Variants in EPB41L5 observed in about 807,000 individuals in gnomAD.
EPB41L5 encodes band 4.1-like protein 5.
EPB41L5 carries 55 observed loss-of-function variants against 106.6 expected under a neutral mutation model. That is an observed-to-expected ratio of 0.52 (90% confidence interval 0.42 to 0.65). The LOEUF is 0.65. Ranked by LOEUF, EPB41L5 falls within the 30% of genes least tolerant of loss-of-function variation. EPB41L5 has a pLI of 0.00. For synonymous variants in EPB41L5, 297 were observed against 306.7 expected (o/e 0.97, Z 0.33); for missense variants, 871 against 882.1 (o/e 0.99, Z 0.16).
chr2:120,090,580 C>T, intron 12 of EPB41L5, 64 bp downstream of exon 12: 1 of 1,443,668 alleles, frequency 6.9e-7, no homozygotes. Context: ...TTAGGCCAAT[C>T]TTCTCTTTTT....
chr2:120,168,222 T>C (rs966458879), intron 24 of EPB41L5, among the ~76,000 whole-genome samples: 4 of 152,218 alleles, frequency 2.6e-5, no homozygotes, highest in Non-Finnish European at 4.4e-5. Flanking sequence ...CTTTATCAAG[T>C]CTTTGCTAAA....
At chr2:120,102,242 A>C (rs1423483082) in intron 16 of EPB41L5, among the ~76,000 whole-genome samples, 5 of 152,146 alleles carry the variant, frequency 3.3e-5, no homozygotes, top group Admixed American at 6.5e-5. Flanking sequence ...GTTTGATTTG[A>C]TTTGTTAGGT....
chr2:120,019,027 G>T, intron 1 of EPB41L5, 50 bp from the exon 2 acceptor site: 1 of 1,483,848 alleles, frequency 6.7e-7, no homozygotes. Context: ...GCAAGTTGTG[G>T]AGAATCTCAT....
intron 10 of EPB41L5, among the ~76,000 whole-genome samples, 159 bp from the exon 11 acceptor site, chr2:120,087,012 T>C (rs1683103250): frequency 6.6e-6 from 1 of 152,250 alleles, no homozygotes; most frequent in Non-Finnish European, 1.5e-5. Context: ...GTTTTTCTGT[T>C]TCCTGTCTTT....
intron 3 of EPB41L5, among the ~76,000 whole-genome samples, chr2:120,060,252 T>G (rs990190221): frequency 1.3e-5 from 2 of 152,224 alleles, no homozygotes; most frequent in African/African-American, 4.8e-5. Flanking sequence ...ACTAATCAGT[T>G]GTATGCCTGA....
chr2:120,020,847 A>C (rs1401078761), intron 2 of EPB41L5, among the ~76,000 whole-genome samples: 1 of 151,652 alleles, frequency 6.6e-6, no homozygotes, highest in Non-Finnish European at 1.5e-5. Context: ...TTAAAAACGC[A>C]GTGCAGTATG....
intron 14 of EPB41L5, among the ~76,000 whole-genome samples, chr2:120,096,122 G>T (rs1683738471): frequency 6.6e-6 from 1 of 152,074 alleles, no homozygotes; most frequent in African/African-American, 2.4e-5. Context: ...TTTTGAATTT[G>T]TCTGTACTCT....
chr2:120,022,023 A>G (rs944913157), intron 2 of EPB41L5, among the ~76,000 whole-genome samples: 1 of 152,210 alleles, frequency 6.6e-6, no homozygotes, highest in African/African-American at 2.4e-5. Flanking sequence ...TGACAAAGGT[A>G]TCAGGTAGAA....
At chr2:120,151,855 A>G (rs6716861) in intron 20 of EPB41L5, among the ~76,000 whole-genome samples, 105,718 of 150,446 alleles carry the variant, frequency 0.7, 38,112 homozygotes, top group Non-Finnish European at 0.79. Flanking sequence ...GATCTCAGGT[A>G]ATCGGCCCGC....
At chr2:120,046,610 G>A (rs1172145968) in intron 3 of EPB41L5, among the ~76,000 whole-genome samples, 1 of 151,488 alleles carries the variant, frequency 6.6e-6, no homozygotes, top group Non-Finnish European at 1.5e-5. Flanking sequence ...TCTGTAGGTT[G>A]CCTGTTCACT....
chr2:120,076,855 G>C lies in EPB41L5; in HGVS notation c.506-116G>C, dbSNP rs1008677126. ...TTTTGGAGACTTGTCTGAGTATTAT[G>C]AATTTTTGTAAGAAATTCCTAAGAA... On this transcript the variant is annotated intron_variant, in intron 7 of 24. Transcript: ENST00000263713. The C allele has an allele frequency of 1.3e-5, 13 of 967,082 alleles. No individual in the cohort carries two copies. In the African/African-American group the frequency reaches 2.0e-4, roughly 15 times the overall value. The allele number at this position is 967,082 out of a possible 1,614,324, so 59.9% of individuals were successfully genotyped here.
At chr2:120,117,628 G>A (rs1193728987) in intron 16 of EPB41L5, among the ~76,000 whole-genome samples, 2 of 152,102 alleles carry the variant, frequency 1.3e-5, no homozygotes, top group East Asian at 3.8e-4. Context: ...ATCTAAGTGT[G>A]TGTTTTTTTC....
At chr2:120,166,550 G>T (rs1172802314) in intron 22 of EPB41L5, among the ~76,000 whole-genome samples, 1 of 151,618 alleles carries the variant, frequency 6.6e-6, no homozygotes, top group African/African-American at 2.4e-5. Context: ...CGATTCTCCT[G>T]CCTTGGCCTC....
At chr2:120,099,649 G>A (rs1281767975) in intron 14 of EPB41L5, among the ~76,000 whole-genome samples, 2 of 152,002 alleles carry the variant, frequency 1.3e-5, no homozygotes, top group East Asian at 3.9e-4. Flanking sequence ...GGATGGTCTC[G>A]ATCTCCTGGC....
chr2:120,140,208 A>G (rs1053832784), intron 18 of EPB41L5, among the ~76,000 whole-genome samples: 2 of 151,988 alleles, frequency 1.3e-5, no homozygotes, highest in African/African-American at 4.8e-5. Context: ...AAGTATAGTT[A>G]GAGTGATAGA....
At chr2:120,076,130 A>G (rs149786334) in intron 7 of EPB41L5, among the ~76,000 whole-genome samples, 232 of 152,290 alleles carry the variant, frequency 1.5e-3, no homozygotes, top group Non-Finnish European at 1.9e-3. Flanking sequence ...AGAAATAACC[A>G]CAGATGAGTA....
chr2:120,067,121 T>C (rs932232963), intron 3 of EPB41L5, among the ~76,000 whole-genome samples: 3 of 152,230 alleles, frequency 2.0e-5, no homozygotes, highest in African/African-American at 7.2e-5. Context: ...ACTGAATTTA[T>C]TAAAAGATGA....
chr2:120,120,055 A>G (rs921590516), intron 16 of EPB41L5, among the ~76,000 whole-genome samples: 11 of 152,192 alleles, frequency 7.2e-5, no homozygotes, highest in African/African-American at 2.7e-4. Context: ...AATATGCTCC[A>G]CTGTATTTAT....
intron 3 of EPB41L5, among the ~76,000 whole-genome samples, chr2:120,066,748 A>G (rs527778986): frequency 1.3e-5 from 2 of 152,348 alleles, no homozygotes; most frequent in South Asian, 4.1e-4. Flanking sequence ...GTGACCAGCC[A>G]TGGAATATAG....
Sources: gnomAD v4.1 joint callset for allele counts (sites outside exome capture counted in the v4.1 genomes callset) on GRCh38, gnomAD v4.1.1 for gene constraint, MANE v1.5 for transcripts, NCBI Gene and HGNC (gene_info 2026-07-23, HGNC 2026-07-21) for gene names.